Variants in ZFPM2 observed in about 807,000 individuals in gnomAD.
ZFPM2 encodes zinc finger protein ZFPM2.
Under a neutral mutation model 98.6 loss-of-function variants are expected in ZFPM2, and 20 were observed. That is an observed-to-expected ratio of 0.20 (90% CI 0.14 to 0.29). The LOEUF (loss-of-function observed/expected upper bound fraction) is 0.29, where lower values mean the gene tolerates loss of function less well. Among genes scored for constraint, ZFPM2 ranks in the 10% least tolerant of loss-of-function variants. ZFPM2 has a pLI of 1.00. For missense variants in ZFPM2, 1,310 were observed against 1,388.6 expected, an observed-to-expected ratio of 0.94 and a Z score of 0.90; for synonymous variants, 518 against 502.7, an observed-to-expected ratio of 1.03 and a Z score of -0.41.
chr8:105,358,958 GA>G (rs1812802456), intron 1 of ZFPM2, among the ~76,000 whole-genome samples: 1 of 151,828 alleles, frequency 6.6e-6, no homozygotes, highest in African/African-American at 2.4e-5. Context: ...CATCTAAAAA[GA>G]AAAGAAAAAA....
intron 5 of ZFPM2, among the ~76,000 whole-genome samples, chr8:105,736,121 T>C (rs1162901595): frequency 6.6e-6 from 1 of 151,972 alleles, no homozygotes; most frequent in African/African-American, 2.4e-5. Context: ...TTTTCTCTAA[T>C]CCAGTAAAAT....
At chr8:105,654,481 C>G (rs1817244348) in intron 5 of ZFPM2, among the ~76,000 whole-genome samples, 1 of 152,162 alleles carries the variant, frequency 6.6e-6, no homozygotes, top group South Asian at 2.1e-4. Context: ...ACTTCTAATA[C>G]ACATCCAGTT....
chr8:105,455,633 G>T (rs1812574201), intron 3 of ZFPM2, among the ~76,000 whole-genome samples: 1 of 152,174 alleles, frequency 6.6e-6, no homozygotes, highest in African/African-American at 2.4e-5. Flanking sequence ...GTAGAGAGTG[G>T]ACAGAAGGAA....
intron 3 of ZFPM2, among the ~76,000 whole-genome samples, chr8:105,453,622 G>GT (rs1199971759): frequency 6.0e-5 from 9 of 151,160 alleles, no homozygotes; most frequent in Admixed American, 1.3e-4. Flanking sequence ...TTTTTCTGGA[G>GT]TTTTTTTTGT....
chr8:105,507,059 A>G (rs1304540439), intron 3 of ZFPM2, among the ~76,000 whole-genome samples: 1 of 152,104 alleles, frequency 6.6e-6, no homozygotes, highest in Non-Finnish European at 1.5e-5. Context: ...TTGGAAATGT[A>G]GAGAGAACAG....
chr8:105,506,988 C>CAAA lies in ZFPM2; in HGVS notation c.302-54361_302-54359dup, dbSNP rs61634908. On this transcript the variant is annotated intron_variant, in intron 3 of 7. Coordinates refer to ENST00000407775, the MANE Select transcript of ZFPM2 (RefSeq NM_012082.4). ...GGGCCACAGAGCCAGACTCCGTCTC[C>CAAA]AAAAAAAAAAAAAAAACAAAAGAAA... 1.2e-4 allele frequency among the ~76,000 whole-genome samples: 14 copies of CAAA among 112,784 alleles called. 2 individuals carry two copies. The highest frequency in any genetic ancestry group is 9.2e-3 in the Middle Eastern group (2 of 218). 74.0% of individuals were successfully genotyped at this position (112,784 alleles called of 152,430 possible). A position where few individuals can be genotyped will look rare whatever the true frequency, so the allele number is the denominator to read the frequency against.
chr8:105,539,270 C>T lies in ZFPM2; in HGVS notation c.302-22093C>T, dbSNP rs1184026750. The stretch of plus-strand genomic sequence containing the variant: ...AGATGAATTACATTTTGTTGAGACA[C>T]CATAAATGGTAATACATATGTTTTA... On this transcript the variant is annotated intron_variant, in intron 3 of 7. Coordinates refer to ENST00000407775, the MANE Select transcript of ZFPM2 (RefSeq NM_012082.4). Among the ~76,000 whole-genome samples, 8 of 152,036 alleles carry T rather than the reference C, an allele frequency of 5.3e-5. 1 individual carries two copies. Among genetic ancestry groups the T allele is most frequent in the Non-Finnish European group, 1.0e-4 (7 of 68,014 alleles).
intron 1 of ZFPM2, among the ~76,000 whole-genome samples, chr8:105,388,165 T>C (rs1197477976): frequency 2.0e-5 from 3 of 152,146 alleles, no homozygotes; most frequent in Admixed American, 6.5e-5. Flanking sequence ...TAACTGAATA[T>C]TGCATGCCAA....
chr8:105,788,903 T>C lies in ZFPM2; in HGVS notation c.718T>C (p.Leu240=), dbSNP rs746753505. Residue 240 remains leucine (L), a synonymous_variant, in exon 6 of 8, where the codon TTG becomes CTG. Coordinates refer to ENST00000407775, the MANE Select transcript of ZFPM2 (RefSeq NM_012082.4). ...TCAGCAAGCTGCCATGGCTTCTATT[T>C]TGCCCACAGCTATTGTCAATAGTAA... ...LPQQAAMASI[L]PTAIVNKDIF... 2 of 1,613,768 alleles carry C rather than the reference T, an allele frequency of 1.2e-6. No homozygotes were observed. The highest frequency in any genetic ancestry group is 2.2e-5 in the East Asian group (1 of 44,842).
intron 3 of ZFPM2, among the ~76,000 whole-genome samples, chr8:105,474,225 T>C (rs1454460946): frequency 6.6e-6 from 1 of 152,240 alleles, no homozygotes; most frequent in Non-Finnish European, 1.5e-5. Context: ...GAAACTCCCA[T>C]GCCAGGGGAA....
intron 3 of ZFPM2, among the ~76,000 whole-genome samples, chr8:105,550,135 C>T (rs1044974419): frequency 6.6e-6 from 1 of 152,076 alleles, no homozygotes; most frequent in Admixed American, 6.6e-5. Context: ...AACTCTGACA[C>T]TCACATCATA....
chr8:105,470,761 G>C (rs1253995911), intron 3 of ZFPM2, among the ~76,000 whole-genome samples: 1 of 151,900 alleles, frequency 6.6e-6, no homozygotes, highest in Non-Finnish European at 1.5e-5. Flanking sequence ...CTAGGTGAAA[G>C]AGCAAGACTT....
At chr8:105,704,397 A>T (rs1311730369) in intron 5 of ZFPM2, among the ~76,000 whole-genome samples, 3 of 152,158 alleles carry the variant, frequency 2.0e-5, no homozygotes, top group Non-Finnish European at 4.4e-5. Flanking sequence ...CTAGAGTTCT[A>T]GTCTGATTGA....
intron 3 of ZFPM2, among the ~76,000 whole-genome samples, chr8:105,520,622 T>G (rs1310857557): frequency 2.0e-5 from 3 of 152,008 alleles, no homozygotes; most frequent in Non-Finnish European, 4.4e-5. Flanking sequence ...GGCACGTGCA[T>G]AGGAGCAGAT....
At chr8:105,800,107 A>T (rs1052915296) in intron 7 of ZFPM2, among the ~76,000 whole-genome samples, 5 of 152,306 alleles carry the variant, frequency 3.3e-5, no homozygotes, top group Admixed American at 3.3e-4. Flanking sequence ...TGGAAAAAAA[A>T]ATGAGTATTA....
At chr8:105,620,536 A>G (rs2130815508) in intron 4 of ZFPM2, among the ~76,000 whole-genome samples, 1 of 152,186 alleles carries the variant, frequency 6.6e-6, no homozygotes, top group South Asian at 2.1e-4. Context: ...CTTTAGTTTA[A>G]TTAGATCCCA....
chr8:105,597,847 T>G (rs2130777912), intron 4 of ZFPM2, among the ~76,000 whole-genome samples: 1 of 152,202 alleles, frequency 6.6e-6, no homozygotes, highest in South Asian at 2.1e-4. Context: ...ATAGTACCGC[T>G]GCACTATAAC....
intron 1 of ZFPM2, among the ~76,000 whole-genome samples, chr8:105,345,294 C>T (rs2957448): frequency 0.88 from 134,110 of 152,164 alleles, 59,476 homozygotes; most frequent in African/African-American, 0.97. Flanking sequence ...GCTTTTTCAG[C>T]ATCTTTGACA....
chr8:105,646,988 T>G (rs1054319140), intron 5 of ZFPM2, among the ~76,000 whole-genome samples: 1 of 152,138 alleles, frequency 6.6e-6, no homozygotes, highest in African/African-American at 2.4e-5. Context: ...AGGAAATGGC[T>G]GGGCCTGGAG....
Sources: gnomAD v4.1 joint callset for allele counts (sites outside exome capture counted in the v4.1 genomes callset) on GRCh38, gnomAD v4.1.1 for gene constraint, MANE v1.5 for transcripts, NCBI Gene and HGNC (gene_info 2026-07-23, HGNC 2026-07-21) for gene names.